Variants in ABL1 observed in about 807,000 individuals in gnomAD.
The protein encoded by ABL1 is ABL proto-oncogene 1, non-receptor tyrosine kinase, also known as tyrosine-protein kinase ABL1.
Under a neutral mutation model 94.7 loss-of-function variants are expected in ABL1, and 11 were observed. The ratio of observed to expected loss-of-function variants is 0.12; its 90% confidence interval spans 0.07 to 0.19. The LOEUF (loss-of-function observed/expected upper bound fraction) is 0.19. Among genes scored for constraint, ABL1 ranks in the 10% least tolerant of loss-of-function variants. The pLI is 1.00. For synonymous variants in ABL1, 656 were observed against 622.4 expected, an observed-to-expected ratio of 1.05 and a Z score of -0.80; for missense variants, 1,082 against 1,489.4, an observed-to-expected ratio of 0.73 and a Z score of 4.50.
intron 1 of ABL1, among the ~76,000 whole-genome samples, chr9:130,718,559 T>C (rs1375476384): frequency 6.6e-6 from 1 of 152,164 alleles, no homozygotes; most frequent in Non-Finnish European, 1.5e-5. Flanking sequence ...TTCGGTTATT[T>C]TTCAAGAGTG....
intron 1 of ABL1, 54 bp from the exon 2 acceptor site, chr9:130,854,010 T>TC: frequency 6.5e-7 from 1 of 1,541,422 alleles, no homozygotes; most frequent in South Asian, 1.2e-5. Flanking sequence ...ACTAATTTTT[T>TC]CTCCCAATTT....
upstream of ABL1, among the ~76,000 whole-genome samples, chr9:130,834,437 C>T (rs1830533571): frequency 6.6e-6 from 1 of 152,136 alleles, no homozygotes; most frequent in Non-Finnish European, 1.5e-5. Flanking sequence ...AGTAACACGA[C>T]TGTGATTGTT....
rs945038130 is a variant in ABL1, at chr9:130,724,854, C to T, written c.136+10399C>T. 26 of 471,898 alleles carry T rather than the reference C, an allele frequency of 5.5e-5. 1 individual carries two copies. Among genetic ancestry groups the T allele is most frequent in the East Asian group, 2.8e-4 (5 of 17,864 alleles). 29.2% of individuals were successfully genotyped at this position (471,898 alleles called of 1,614,324 possible). ...GTTGTTCCTTTATGGAAATCCACGCCGCTTCATTCGCCCAGTCCCTGTGGC... is the reference window on the plus strand; with the variant it reads ...GTTGTTCCTTTATGGAAATCCACGCTGCTTCATTCGCCCAGTCCCTGTGGC... On this transcript the variant is annotated intron_variant, in intron 1 of 10. Coordinates refer to the ABL1 transcript ENST00000372348.
intron 1 of ABL1, among the ~76,000 whole-genome samples, chr9:130,781,681 T>C (rs1315470002): frequency 6.6e-6 from 1 of 152,220 alleles, no homozygotes; most frequent in Non-Finnish European, 1.5e-5. Flanking sequence ...ATTTGCCAGC[T>C]GCATTATTAT....
Position 130,789,043 on chromosome 9 carries a change from A to G in ABL1, c.137-65021A>G, listed in dbSNP as rs113400541. Among the ~76,000 whole-genome samples, 112 of 152,256 alleles carry G rather than the reference A, an allele frequency of 7.4e-4. 1 individual carries two copies. The highest frequency in any genetic ancestry group is 2.4e-3 in the African/African-American group (99 of 41,532). On this transcript the variant is annotated intron_variant, in intron 1 of 10. Coordinates refer to the ABL1 transcript ENST00000372348. ...ATTTCCTGAAACCTCTTGCATCTAAAAAGCAATCTGTGGGGAGACATTTTG... is the reference window on the plus strand; with the variant it reads ...ATTTCCTGAAACCTCTTGCATCTAAGAAGCAATCTGTGGGGAGACATTTTG...
intron 1 of ABL1, among the ~76,000 whole-genome samples, chr9:130,763,334 TTTAA>T (rs148695619): frequency 0.22 from 33,369 of 151,478 alleles, 3,928 homozygotes; most frequent in Middle Eastern, 0.39. Flanking sequence ...TTTTTTTTCA[TTTAA>T]TTAATTCCAT....
chr9:130,797,236 G>GGAAAAAAAA (rs1491324780), intron 1 of ABL1, among the ~76,000 whole-genome samples: 12 of 55,168 alleles, frequency 2.2e-4, no homozygotes, highest in African/African-American at 5.9e-4. Flanking sequence ...ACTCCATCTC[G>GGAAAAAAAA]AAAAAAAAAA....
At chr9:130,846,510 G>A (rs1427195280) in intron 1 of ABL1, among the ~76,000 whole-genome samples, 1 of 152,188 alleles carries the variant, frequency 6.6e-6, no homozygotes, top group Non-Finnish European at 1.5e-5. Context: ...CGTCTGACAT[G>A]CTCCATCCTC....
At chr9:130,782,107 G>T (rs1829764019) in intron 1 of ABL1, among the ~76,000 whole-genome samples, 1 of 151,494 alleles carries the variant, frequency 6.6e-6, no homozygotes, top group Non-Finnish European at 1.5e-5. Context: ...TGCCCAGGCT[G>T]GAGTGCAGTG....
chr9:130,783,088 A>T (rs1829779049), intron 1 of ABL1, among the ~76,000 whole-genome samples: 1 of 152,204 alleles, frequency 6.6e-6, no homozygotes, highest in Non-Finnish European at 1.5e-5. Flanking sequence ...ACATTATTTG[A>T]TATACAGTCC....
At chr9:130,798,021 G>C (rs1830003402) in intron 1 of ABL1, among the ~76,000 whole-genome samples, 1 of 152,128 alleles carries the variant, frequency 6.6e-6, no homozygotes, top group African/African-American at 2.4e-5. Context: ...ACAGCTTCCA[G>C]AAGAAATAGT....
intron 1 of ABL1, among the ~76,000 whole-genome samples, chr9:130,765,495 T>G (rs909986720): frequency 6.6e-6 from 1 of 152,242 alleles, no homozygotes; most frequent in Non-Finnish European, 1.5e-5. Context: ...TACATTCTTA[T>G]GGCCTTACGA....
intron 3 of ABL1, among the ~76,000 whole-genome samples, chr9:130,858,089 G>A (rs1382323475): frequency 2.6e-5 from 4 of 151,954 alleles, no homozygotes; most frequent in Admixed American, 6.6e-5. Flanking sequence ...ATGCTGCACC[G>A]AGATAGTCAC....
intron 1 of ABL1, among the ~76,000 whole-genome samples, chr9:130,840,678 T>C (rs1199371821): frequency 2.0e-5 from 3 of 152,198 alleles, no homozygotes; most frequent in African/African-American, 7.2e-5. Context: ...TTTTTAAAAC[T>C]ATCTCTTTTT....
chr9:130,782,837 T>A (rs1435515770), intron 1 of ABL1, among the ~76,000 whole-genome samples: 1 of 152,222 alleles, frequency 6.6e-6, no homozygotes, highest in Admixed American at 6.5e-5. Flanking sequence ...CCAAGAGCAT[T>A]TATTGTTGTT....
chr9:130,815,123 C>G (rs1403819373), intron 1 of ABL1, among the ~76,000 whole-genome samples: 1 of 152,026 alleles, frequency 6.6e-6, no homozygotes, highest in Non-Finnish European at 1.5e-5. Context: ...CACCTGAGGT[C>G]AGGAGTTACA....
rs577166913 is a variant in ABL1 at position 130,733,440 on chromosome 9, A to T, written c.136+18985A>T. 4.5e-3 allele frequency among the ~76,000 whole-genome samples: 674 copies of T among 151,098 alleles called. 2 individuals carry two copies. Among genetic ancestry groups the T allele is most frequent in the African/African-American group, 0.014 (591 of 40,924 alleles). Reference sequence around the variant, plus strand: ...TGTGGATGTGTAAAGTTAAAAAAAAATTTTTTTTTCTTGTAGCAGGGTCTC... The same window carrying T: ...TGTGGATGTGTAAAGTTAAAAAAAATTTTTTTTTTCTTGTAGCAGGGTCTC... On this transcript the variant is annotated intron_variant, in intron 1 of 10. Transcript: ENST00000372348.
At position 130,836,804 on chromosome 9, in the gene ABL1, G is replaced by T. The variant is rs1588260007; in HGVS notation, c.79+1279G>T. Among the ~76,000 whole-genome samples the T allele has an allele frequency of 1.0e-4, 13 of 129,996 alleles. 1 individual carries two copies. The South Asian group carries it at 3.1e-3, about 31-fold the overall frequency. The allele number at this position is 129,996 out of a possible 152,430, so 85.3% of individuals were successfully genotyped here. Reference sequence around the variant, plus strand: ...CGCGCCACTGCACTCCAGCCTGGGCGACACAGCAAGACTCGGTCTCAAAAA... The same window carrying T: ...CGCGCCACTGCACTCCAGCCTGGGCTACACAGCAAGACTCGGTCTCAAAAA... On this transcript the variant is annotated intron_variant, in intron 1 of 10. Transcript: ENST00000318560.
At chr9:130,772,651 C>T (rs1400623812) in intron 1 of ABL1, among the ~76,000 whole-genome samples, 1 of 152,130 alleles carries the variant, frequency 6.6e-6, no homozygotes, top group Non-Finnish European at 1.5e-5. Context: ...CACCCCAAAT[C>T]TGTTGAAAAG....
Sources: allele counts gnomAD v4.1 joint callset (sites outside exome capture counted in the v4.1 genomes callset), GRCh38; gene constraint gnomAD v4.1.1; transcripts MANE v1.5; gene names NCBI Gene and HGNC (gene_info 2026-07-23, HGNC 2026-07-21).